TRPM3: variants seen among roughly 807,000 people sequenced by gnomAD.
TRPM3 encodes the protein long transient receptor potential channel 3.
A neutral mutation model predicts 181.2 loss-of-function variants in TRPM3; 77 were observed. The observed-to-expected ratio is 0.42, with a 90% CI of 0.35 to 0.51. TRPM3 has a LOEUF of 0.51. TRPM3 is among the 20% of genes least tolerant of loss of function. The pLI is 0.01. For synonymous variants in TRPM3, 745 were observed against 796.4 expected (o/e 0.94, Z 1.09); for missense variants, 1,759 against 2,196.7 (o/e 0.80, Z 3.98).
chr9:71,043,832 C>T (rs1037001120), intron 1 of TRPM3, among the ~76,000 whole-genome samples: 9 of 152,136 alleles, frequency 5.9e-5, no homozygotes, highest in African/African-American at 2.2e-4. Context: ...ATCTGAACAC[C>T]TCTGCCCTCT....
chr9:71,046,592 G>A lies in TRPM3; in HGVS notation c.177+74586C>T, dbSNP rs939695760. 4.6e-5 allele frequency among the ~76,000 whole-genome samples: 7 copies of A among 152,092 alleles called. No individual in the cohort carries two copies. The East Asian group carries it at 9.7e-4, about 21-fold the overall frequency. ...TATCAGCTATTTGTTGCCTGTCTCC[G>A]GATCTATCCTCCCCGACCTATCACC... On this transcript the variant is annotated intron_variant, in intron 1 of 25. Transcript: ENST00000677713.
chr9:71,240,940 G>A (rs1171803579), intron 1 of TRPM3, among the ~76,000 whole-genome samples: 1 of 152,136 alleles, frequency 6.6e-6, no homozygotes, highest in Non-Finnish European at 1.5e-5. Context: ...TTCCTACTAT[G>A]TAGATTGTGC....
intron 7 of TRPM3, among the ~76,000 whole-genome samples, chr9:70,772,207 C>T (rs2080423429): frequency 6.6e-6 from 1 of 152,106 alleles, no homozygotes; most frequent in Non-Finnish European, 1.5e-5. Context: ...AATTATAATA[C>T]AATGAAATGA....
At chr9:71,168,978 A>C (rs978296642) in intron 1 of TRPM3, among the ~76,000 whole-genome samples, 2 of 152,200 alleles carry the variant, frequency 1.3e-5, no homozygotes, top group African/African-American at 4.8e-5. Context: ...TGGATATAAA[A>C]AAGCATTTCC....
At position 70,549,647 on chromosome 9, in the gene TRPM3, T is replaced by C; in HGVS notation, c.3602A>G (p.Lys1201Arg). The part of the protein sequence containing the change: ...LKLFITDDEL[K>R]KVHDFEEQCI... ...TTGCTCTTCAAAGTCATGTACTTTC[T>C]TGAGCTCATCATCGGTTATGAAGAG... The change falls in exon 25 of 26, where the codon AAG (lysine) becomes AGG (arginine). Residue 1201 changes from lysine (K) to arginine (R), a missense_variant. Lys to Arg is a conservative substitution (Grantham distance 26, BLOSUM62 2). Coordinates refer to ENST00000677713, the MANE Select transcript of TRPM3 (RefSeq NM_001366145.2). 17 of 1,611,136 alleles carry C rather than the reference T, an allele frequency of 1.1e-5. No homozygotes were observed. Among genetic ancestry groups the C allele is most frequent in the Non-Finnish European group, 1.4e-5 (16 of 1,179,738 alleles).
intron 1 of TRPM3, among the ~76,000 whole-genome samples, chr9:71,170,283 G>A (rs1031825212): frequency 1.4e-4 from 21 of 152,226 alleles, no homozygotes; most frequent in African/African-American, 4.1e-4. Flanking sequence ...AGGGAATGAG[G>A]TGAATAAGAT....
At chr9:71,180,050 C>CTTATTT (rs2077310752) in intron 1 of TRPM3, among the ~76,000 whole-genome samples, 1 of 101,188 alleles carries the variant, frequency 9.9e-6, no homozygotes, top group Non-Finnish European at 1.9e-5. Flanking sequence ...ATACATCCTT[C>CTTATTT]TTTTTTTTTT....
intron 1 of TRPM3, among the ~76,000 whole-genome samples, chr9:71,026,305 C>G (rs2056480792): frequency 6.6e-6 from 1 of 152,154 alleles, no homozygotes; most frequent in African/African-American, 2.4e-5. Context: ...TCCCAGGGCC[C>G]CAGCCTGGCT....
chr9:71,352,069 G>T (rs1046874707), intron 1 of TRPM3, among the ~76,000 whole-genome samples: 3 of 151,956 alleles, frequency 2.0e-5, no homozygotes, highest in Non-Finnish European at 4.4e-5. Flanking sequence ...TAAAGGCGGG[G>T]TTTCACCGTG....
chr9:70,811,225 A>T, intron 6 of TRPM3: 1 of 1,611,956 alleles, frequency 6.2e-7, no homozygotes, highest in Non-Finnish European at 8.5e-7. Context: ...GGGAGTCAAG[A>T]GAGAAAAACG....
intron 1 of TRPM3, among the ~76,000 whole-genome samples, chr9:71,003,193 TAAA>T (rs34024667): frequency 7.7e-6 from 1 of 129,166 alleles, no homozygotes; most frequent in African/African-American, 2.7e-5. Context: ...TCCCTTGCCT[TAAA>T]AAAAAAAAAA....
At chr9:70,682,392 C>A (rs866995880) in intron 8 of TRPM3, among the ~76,000 whole-genome samples, 2 of 152,012 alleles carry the variant, frequency 1.3e-5, no homozygotes, top group Admixed American at 1.3e-4. Flanking sequence ...CAATCCAGTT[C>A]CATAACTCCT....
At chr9:71,177,122 A>G (rs2077142969) in intron 1 of TRPM3, among the ~76,000 whole-genome samples, 1 of 152,122 alleles carries the variant, frequency 6.6e-6, no homozygotes, top group African/African-American at 2.4e-5. Flanking sequence ...TGAACTGTGC[A>G]TGCGAGGGAT....
intron 1 of TRPM3, chr9:70,916,940 T>C (rs945494189): frequency 4.0e-6 from 5 of 1,255,900 alleles, no homozygotes; most frequent in African/African-American, 1.5e-5. Flanking sequence ...ATGGTGGCAC[T>C]GCAAATTGGC....
chr9:70,838,681 G>GT (rs2094463865), intron 5 of TRPM3, among the ~76,000 whole-genome samples: 1 of 152,128 alleles, frequency 6.6e-6, no homozygotes, highest in Non-Finnish European at 1.5e-5. Context: ...TAGTAATAGA[G>GT]GAGAGGGATG....
chr9:71,333,304 T>C (rs1476775671), intron 1 of TRPM3, among the ~76,000 whole-genome samples: 14 of 151,894 alleles, frequency 9.2e-5, no homozygotes, highest in Admixed American at 4.6e-4. Context: ...CAGTACGAAA[T>C]TGACTTCTCA....
At chr9:71,439,757 A>C (rs1166664066) in intron 1 of TRPM3, among the ~76,000 whole-genome samples, 1 of 152,180 alleles carries the variant, frequency 6.6e-6, no homozygotes, top group Non-Finnish European at 1.5e-5. Context: ...GATTATGTGG[A>C]TTATTTTTGT....
chr9:71,156,191 T>C (rs980305027), intron 1 of TRPM3, among the ~76,000 whole-genome samples: 7 of 152,004 alleles, frequency 4.6e-5, no homozygotes, highest in African/African-American at 9.7e-5. Flanking sequence ...AGAAAGGCCA[T>C]TGAGTGGGTG....
chr9:71,229,917 G>C (rs543646479), intron 1 of TRPM3, among the ~76,000 whole-genome samples: 2 of 152,088 alleles, frequency 1.3e-5, no homozygotes, highest in African/African-American at 4.8e-5. Flanking sequence ...ACCTGATCCA[G>C]CAATCCTACT....
Sources: gnomAD v4.1 joint callset for allele counts (sites outside exome capture counted in the v4.1 genomes callset) on GRCh38, gnomAD v4.1.1 for gene constraint, MANE v1.5 for transcripts, NCBI Gene and HGNC (gene_info 2026-07-23, HGNC 2026-07-21) for gene names.